Variants in DCLRE1C observed in about 807,000 individuals in gnomAD.
DCLRE1C encodes the protein protein artemis.
A neutral mutation model predicts 61.4 loss-of-function variants in DCLRE1C; 47 were observed. The observed-to-expected ratio is 0.77, with a 90% CI of 0.61 to 0.98. The LOEUF is 0.98. Ranked by LOEUF, DCLRE1C falls within the 50% of genes least tolerant of loss-of-function variation. The pLI, the probability that DCLRE1C is intolerant of heterozygous loss-of-function variation, is 0.00. For missense variants in DCLRE1C, 858 were observed against 816.0 expected (o/e 1.05, Z -0.63); for synonymous variants, 337 against 287.6 (o/e 1.17, Z -1.74).
chr10:14,920,310 G>C (rs1481724502), intron 12 of DCLRE1C: 7 of 870,526 alleles, frequency 8.0e-6, no homozygotes, highest in Middle Eastern at 1.1e-3. Flanking sequence ...TAGGTCCTTA[G>C]GCTGAAAGCT....
chr10:14,922,134 G>T (rs1283050730), intron 12 of DCLRE1C, among the ~76,000 whole-genome samples: 1 of 152,156 alleles, frequency 6.6e-6, no homozygotes, highest in East Asian at 1.9e-4. Context: ...CCACCATATG[G>T]CTGGCACTAA....
chr10:14,951,463 AAG>A (rs780507403), intron 1 of DCLRE1C, among the ~76,000 whole-genome samples: 24 of 151,038 alleles, frequency 1.6e-4, no homozygotes, highest in Admixed American at 1.4e-3. Context: ...TTTCTAGCAA[AAG>A]AGTCCATACA....
At chr10:14,943,230 C>G (rs1841161692) in intron 3 of DCLRE1C, among the ~76,000 whole-genome samples, 1 of 152,192 alleles carries the variant, frequency 6.6e-6, no homozygotes, top group Admixed American at 6.5e-5. Flanking sequence ...AACCCACATT[C>G]TGTTAAGTCA....
Position 14,909,311 on chromosome 10 carries a change from G to GAGAT in DCLRE1C, c.1172_1175dup (p.Phe393SerfsTer3), listed in dbSNP as rs1200374882. The GAGAT allele has an allele frequency of 6.2e-7, 1 of 1,613,722 alleles. No individual in the cohort carries two copies. Among genetic ancestry groups the GAGAT allele is most frequent in the African/African-American group, 1.3e-5 (1 of 75,048 alleles). On this transcript the variant is annotated frameshift_variant, in exon 14 of 14. Coordinates refer to ENST00000378278, the MANE Select transcript of DCLRE1C (RefSeq NM_001033855.3). LOFTEE classifies it low-confidence loss of function (END_TRUNC). ...AAGGTATTGGCAGAGGATCATCAAA[G>GAGAT]AGATAGTCATCTTCCTCCTCTGTGG...
rs933422037 is a variant in DCLRE1C, at chr10:14,908,581, A to G, written c.1906T>C (p.Leu636=). Residue 636 remains leucine, a synonymous_variant, in exon 14 of 14, where the codon TTG becomes CTG. Coordinates refer to ENST00000378278, the MANE Select transcript of DCLRE1C (RefSeq NM_001033855.3). The part of the protein sequence containing the change: ...SETHIPEEKS[L]LNLSTNADSQ... ...TCTGCATTTGTGCTAAGATTTAGCA[A>G]ACTTTTTTCCTCGGGTATATGTGTC... is the stretch of plus-strand genomic sequence containing the variant. 2 of 1,614,176 alleles carry G rather than the reference A, an allele frequency of 1.2e-6. No homozygotes were observed. The highest frequency in any genetic ancestry group is 1.6e-4 in the Middle Eastern group (1 of 6,062).
At chr10:14,936,445 G>T in intron 5 of DCLRE1C, 93 bp downstream of exon 5, 2 of 962,544 alleles carry the variant, frequency 2.1e-6, no homozygotes, top group East Asian at 2.7e-5. Flanking sequence ...ACTGCACCCA[G>T]CCCCCTATTA....
At chr10:14,936,464 C>A (rs1182152385) in intron 5 of DCLRE1C, 74 bp downstream of exon 5, 39 of 1,230,826 alleles carry the variant, frequency 3.2e-5, no homozygotes, top group Non-Finnish European at 4.3e-5. Flanking sequence ...TAATTTTAGA[C>A]CCTAAAAATT....
At chr10:14,949,189 T>C in intron 1 of DCLRE1C, 102 bp from the exon 2 acceptor site, 1 of 803,332 alleles carries the variant, frequency 1.2e-6, no homozygotes, top group East Asian at 2.6e-5. Context: ...AGAAAACCCA[T>C]GAGGTTTGCT....
chr10:14,947,591 G>C (rs1219962431), intron 2 of DCLRE1C: 1 of 152,272 alleles, frequency 6.6e-6, no homozygotes, highest in Non-Finnish European at 1.5e-5. Context: ...TAACCTCTCT[G>C]GTTCCTCAGT....
chr10:14,909,169 ACTCTG>A lies in DCLRE1C; in HGVS notation c.1313_1317del (p.Ala438ValfsTer14), dbSNP rs2131778479. On this transcript the variant is annotated frameshift_variant, in exon 14 of 14. Coordinates refer to ENST00000378278, the MANE Select transcript of DCLRE1C (RefSeq NM_001033855.3). LOFTEE classifies it low-confidence loss of function (END_TRUNC). ...TTTGTGAAACGAGAGCTCTGCATACACTCTGCTCTGCAGCATCCTGGGGTTTGTCT... is the reference window on the plus strand; with the variant it reads ...TTTGTGAAACGAGAGCTCTGCATACACTCTGCAGCATCCTGGGGTTTGTCT... 2 of 1,613,904 alleles carry A rather than the reference ACTCTG, an allele frequency of 1.2e-6. No homozygotes were observed. Among genetic ancestry groups the A allele is most frequent in the East Asian group, 2.2e-5 (1 of 44,878 alleles).
chr10:14,943,555 T>G (rs2995242), intron 3 of DCLRE1C, among the ~76,000 whole-genome samples: 116 of 152,064 alleles, frequency 7.6e-4, no homozygotes, highest in Admixed American at 2.8e-3. Context: ...TTGTCTAACT[T>G]TTTTGTTTGT....
At chr10:14,933,264 G>C (rs182347019) in intron 8 of DCLRE1C, among the ~76,000 whole-genome samples, 1 of 152,110 alleles carries the variant, frequency 6.6e-6, no homozygotes, top group Non-Finnish European at 1.5e-5. Context: ...AATATTCCTC[G>C]TACACCTACT....
intron 5 of DCLRE1C, among the ~76,000 whole-genome samples, chr10:14,936,154 A>G (rs1839872787): frequency 6.6e-6 from 1 of 152,000 alleles, no homozygotes; most frequent in African/African-American, 2.4e-5. Flanking sequence ...TTGGCCTCCC[A>G]AAGTGCCGGG....
At position 14,897,645 on chromosome 10, in the gene DCLRE1C, T is replaced by G. The variant is rs77293597; in HGVS notation, c.*1519A>C. 5.9e-3 allele frequency: 4,942 copies of G among 838,224 alleles called. 170 individuals are homozygous for G. The East Asian group carries it at 0.087, about 15-fold the overall frequency. The allele number at this position is 838,224 out of a possible 1,614,324, so 51.9% of individuals were successfully genotyped here. ...TTTTCATTTGCAGATATGTAGAAAT[T>G]TATTCAGATTTAGGAGAAGAGTTCA... is the stretch of plus-strand genomic sequence containing the variant. On this transcript the variant is annotated 3_prime_UTR_variant, in exon 14 of 14. Coordinates refer to the DCLRE1C transcript ENST00000378289.
chr10:14,905,650 G>A lies in DCLRE1C; in HGVS notation c.*2758C>T, dbSNP rs995490393. Reference sequence around the variant, plus strand: ...ACTCTTCTCCAAGATAAATGTGGCTGACTGCTGAGTGTCTTCTGTGATACA... The same window carrying A: ...ACTCTTCTCCAAGATAAATGTGGCTAACTGCTGAGTGTCTTCTGTGATACA... On this transcript the variant is annotated 3_prime_UTR_variant, in exon 14 of 14. Transcript: ENST00000378278. Among the ~76,000 whole-genome samples the A allele has an allele frequency of 1.3e-5, 2 of 152,214 alleles. No homozygotes were observed. Among genetic ancestry groups the A allele is most frequent in the Non-Finnish European group, 2.9e-5 (2 of 68,040 alleles).
At chr10:14,927,185 C>A (rs12775627) in intron 10 of DCLRE1C, among the ~76,000 whole-genome samples, 24,536 of 152,052 alleles carry the variant, frequency 0.16, 2,042 homozygotes, top group Middle Eastern at 0.2. Flanking sequence ...AGTTCGAGAC[C>A]AGCCTAGCAA....
intron 13 of DCLRE1C, among the ~76,000 whole-genome samples, chr10:14,916,546 T>C (rs1836225143): frequency 6.6e-6 from 1 of 152,172 alleles, no homozygotes; most frequent in African/African-American, 2.4e-5. Context: ...GTTCCAAAAT[T>C]CAAAGAAGTC....
chr10:14,897,749 C>T (rs943570744), exon 14 of DCLRE1C: 6 of 306,932 alleles, frequency 2.0e-5, no homozygotes, highest in African/African-American at 1.3e-4. Context: ...CATCTTTCAA[C>T]AAATACACAT....
intron 11 of DCLRE1C, chr10:14,923,310 A>G (rs1466856082): frequency 4.2e-6 from 2 of 481,814 alleles, no homozygotes; most frequent in African/African-American, 2.0e-5. Context: ...ACATTTAAAT[A>G]TTCCCCAGGT....
Sources: allele counts gnomAD v4.1 joint callset (sites outside exome capture counted in the v4.1 genomes callset), GRCh38; gene constraint gnomAD v4.1.1; transcripts MANE v1.5; gene names NCBI Gene and HGNC (gene_info 2026-07-23, HGNC 2026-07-21).